RGS7BP: variants seen among roughly 807,000 people sequenced by gnomAD.
The protein encoded by RGS7BP is regulator of G protein signaling 7 binding protein, also known as regulator of G protein signaling 7-binding protein.
In RGS7BP, 9 loss-of-function variants were observed where a neutral mutation model predicts 31.3. That is an observed-to-expected ratio of 0.29 (90% CI 0.17 to 0.50). RGS7BP has a LOEUF of 0.50. Among genes scored for constraint, RGS7BP ranks in the 20% least tolerant of loss-of-function variants. The pLI is 0.98. For missense variants in RGS7BP, 274 were observed against 322.0 expected (o/e 0.85, Z 1.14); for synonymous variants, 115 against 120.1 (o/e 0.96, Z 0.28).
intron 2 of RGS7BP, among the ~76,000 whole-genome samples, chr5:64,515,779 T>C (rs994594200): frequency 2.0e-5 from 3 of 151,682 alleles, no homozygotes; most frequent in African/African-American, 7.3e-5. Context: ...AGATTGACTC[T>C]GGTTAGGATA....
At chr5:64,549,368 T>C (rs1741735471) in intron 2 of RGS7BP, among the ~76,000 whole-genome samples, 2 of 152,168 alleles carry the variant, frequency 1.3e-5, no homozygotes, top group South Asian at 4.1e-4. Flanking sequence ...TCCTCTCTGG[T>C]TCAATGCTCT....
At position 64,506,597 on chromosome 5, in the gene RGS7BP, G is replaced by C. The variant is rs1052534899; in HGVS notation, c.-28G>C. The C allele has an allele frequency of 4.5e-6, 7 of 1,567,538 alleles. No individual in the cohort carries two copies. Among genetic ancestry groups the C allele is most frequent in the African/African-American group, 1.4e-5 (1 of 73,738 alleles). ...GCCCGCGCCGGGGCGCACTGCACCA[G>C]CGGCTTCGGCTTGGTGGATGTGTAT... On this transcript the variant is annotated 5_prime_UTR_variant, in exon 1 of 6. Transcript: ENST00000334025. The surrounding 1 kb of genome is among the most constrained non-coding windows in gnomAD (Gnocchi z 4.6).
chr5:64,546,782 T>C (rs1741669595), intron 2 of RGS7BP, among the ~76,000 whole-genome samples: 2 of 152,212 alleles, frequency 1.3e-5, no homozygotes, highest in African/African-American at 2.4e-5. Context: ...ATTAGCAGGA[T>C]TTATGTACAG....
chr5:64,521,593 T>G (rs115650559), intron 2 of RGS7BP, among the ~76,000 whole-genome samples: 265 of 152,300 alleles, frequency 1.7e-3, no homozygotes, highest in African/African-American at 6.0e-3. Flanking sequence ...AAACAGATAT[T>G]TTCTGATTTT....
intron 2 of RGS7BP, among the ~76,000 whole-genome samples, chr5:64,524,258 T>C (rs1397055410): frequency 6.6e-6 from 1 of 152,230 alleles, no homozygotes; most frequent in Non-Finnish European, 1.5e-5. Flanking sequence ...TATCAAACAT[T>C]TCCTTTCCAA....
At chr5:64,540,376 C>T (rs557904726) in intron 2 of RGS7BP, among the ~76,000 whole-genome samples, 256 of 151,688 alleles carry the variant, frequency 1.7e-3, no homozygotes, top group South Asian at 0.014. Flanking sequence ...ACTTTGTTTT[C>T]TTTTTTTTAA....
intron 2 of RGS7BP, among the ~76,000 whole-genome samples, chr5:64,570,541 G>GT (rs780802513): frequency 5.7e-4 from 87 of 152,106 alleles, no homozygotes; most frequent in South Asian, 1.9e-3. Context: ...ACATTTTGCT[G>GT]TTTTTTTAAA....
intron 2 of RGS7BP, among the ~76,000 whole-genome samples, chr5:64,534,320 A>G (rs936697533): frequency 1.3e-5 from 2 of 152,196 alleles, no homozygotes; most frequent in African/African-American, 4.8e-5. Flanking sequence ...CCAGCCTGTC[A>G]GGGCCTCGCT....
chr5:64,506,693 C>G lies in RGS7BP; in HGVS notation c.69C>G (p.Ile23Met). 1 of 1,613,492 alleles carries G rather than the reference C, an allele frequency of 6.2e-7. No individual in the cohort carries two copies. The highest frequency in any genetic ancestry group is 2.2e-5 in the East Asian group (1 of 44,834). Residue 23 changes from isoleucine to methionine, a missense_variant, in exon 1 of 6, where the codon ATC (isoleucine) becomes ATG (methionine). By Grantham distance (10) the Ile-to-Met change is conservative. Coordinates refer to ENST00000334025, the MANE Select transcript of RGS7BP (RefSeq NM_001029875.3). The surrounding 1 kb of genome is among the most constrained non-coding windows in gnomAD (Gnocchi z 4.6). ...CCACCCGCTCCTCGATCTTCCAGAT[C>G]AGCAAGCCCCCGCTGCAGAGCGGAG... ...SRSTRSSIFQISKPPLQSGDW... is the reference protein window; with the variant it reads ...SRSTRSSIFQMSKPPLQSGDW...
At chr5:64,520,573 T>C (rs1051192712) in intron 2 of RGS7BP, among the ~76,000 whole-genome samples, 1 of 152,194 alleles carries the variant, frequency 6.6e-6, no homozygotes, top group Non-Finnish European at 1.5e-5. Flanking sequence ...ATCGCTTCAT[T>C]TGGGGGCACC....
Position 64,506,649 on chromosome 5 carries a change from A to C in RGS7BP, c.25A>C (p.Lys9Gln). Residue 9 changes from lysine to glutamine, a missense_variant, in exon 1 of 6, where the codon AAA becomes CAA. Lys to Gln is a moderately conservative substitution (Grantham distance 53). Transcript: ENST00000334025. This position sits in a 1 kb window ranked among gnomAD's most constrained non-coding sequence, Gnocchi z 4.6. Reference sequence around the variant, plus strand: ...CATGAGTTCTGCACCGAATGGGCGCAAAAAGCGCCCCAGCCGGTCCACCCG... The same window carrying C: ...CATGAGTTCTGCACCGAATGGGCGCCAAAAGCGCCCCAGCCGGTCCACCCG... MSSAPNGR[K>Q]KRPSRSTRSS... The C allele has an allele frequency of 6.2e-7, 1 of 1,611,536 alleles. No individual in the cohort carries two copies. Among genetic ancestry groups the C allele is most frequent in the Non-Finnish European group, 8.5e-7 (1 of 1,178,268 alleles).
At chr5:64,526,621 A>C (rs1749236955) in intron 2 of RGS7BP, among the ~76,000 whole-genome samples, 1 of 152,194 alleles carries the variant, frequency 6.6e-6, no homozygotes, top group East Asian at 1.9e-4. Flanking sequence ...GTGATGGCCA[A>C]GTCCTAGTCC....
chr5:64,547,703 C>A (rs1054119788), intron 2 of RGS7BP, among the ~76,000 whole-genome samples: 7 of 152,106 alleles, frequency 4.6e-5, no homozygotes, highest in Non-Finnish European at 8.8e-5. Flanking sequence ...GAAATATTAT[C>A]ATCTAATATA....
At chr5:64,557,891 C>G (rs1004365150) in intron 2 of RGS7BP, among the ~76,000 whole-genome samples, 12 of 152,192 alleles carry the variant, frequency 7.9e-5, no homozygotes, top group African/African-American at 2.6e-4. Context: ...GACATGAGTT[C>G]AAGGACAAGA....
intron 3 of RGS7BP, among the ~76,000 whole-genome samples, chr5:64,577,347 C>T (rs1742462855): frequency 1.3e-5 from 2 of 152,046 alleles, no homozygotes; most frequent in Non-Finnish European, 1.5e-5. Flanking sequence ...GAGGCTGAGG[C>T]AGGAGAATGG....
intron 3 of RGS7BP, among the ~76,000 whole-genome samples, chr5:64,590,155 A>G (rs1394477685): frequency 1.3e-5 from 2 of 152,100 alleles, no homozygotes; most frequent in African/African-American, 4.8e-5. Context: ...GAACAGTGTC[A>G]TACCAGTTAT....
In RGS7BP at chr5:64,575,695, C is replaced by T. The variant is rs531818061; in HGVS notation, c.333-79C>T. 23 of 1,498,172 alleles carry T rather than the reference C, an allele frequency of 1.5e-5. No individual in the cohort carries two copies. In the African/African-American group the frequency reaches 2.8e-4, roughly 18 times the overall value. The allele number at this position is 1,498,172 out of a possible 1,614,324, so 92.8% of individuals were successfully genotyped here. A position where few individuals can be genotyped will look rare whatever the true frequency, so the allele number is the denominator to read the frequency against. ...TAAGGAATCTTTATTGAGCATTTTT[C>T]CCTCTCGGAGCTGAGACAAATGGCT... On this transcript the variant is annotated intron_variant, in intron 2 of 5. Coordinates refer to ENST00000334025, the MANE Select transcript of RGS7BP (RefSeq NM_001029875.3).
In RGS7BP at chr5:64,578,101, A is replaced by C. The variant is rs1054296828; in HGVS notation, c.463+2197A>C. Among the ~76,000 whole-genome samples the C allele has an allele frequency of 2.0e-5, 3 of 152,138 alleles. No homozygotes were observed. The South Asian group carries it at 6.2e-4, about 31-fold the overall frequency. Reference sequence around the variant, plus strand: ...AAATAAAGGGGATTTCCCCATCCAGACTGCTTTCTTGTTGCATTTGGTCAT... The same window carrying C: ...AAATAAAGGGGATTTCCCCATCCAGCCTGCTTTCTTGTTGCATTTGGTCAT... On this transcript the variant is annotated intron_variant, in intron 3 of 5. Coordinates refer to ENST00000334025, the MANE Select transcript of RGS7BP (RefSeq NM_001029875.3).
At chr5:64,534,008 G>A (rs187314544) in intron 2 of RGS7BP, among the ~76,000 whole-genome samples, 1 of 152,310 alleles carries the variant, frequency 6.6e-6, no homozygotes, top group Non-Finnish European at 1.5e-5. Context: ...ATGTGTATAA[G>A]GACAGTAATA....
Sources: gnomAD v4.1 joint callset for allele counts (sites outside exome capture counted in the v4.1 genomes callset) on GRCh38, gnomAD v4.1.1 for gene constraint, Gnocchi (gnomAD v3.1) non-coding constraint, MANE v1.5 for transcripts, NCBI Gene and HGNC (gene_info 2026-07-23, HGNC 2026-07-21) for gene names.